SLC16A7: variants seen among roughly 807,000 people sequenced by gnomAD.
The protein encoded by SLC16A7 is monocarboxylate transporter 2.
SLC16A7 carries 33 observed loss-of-function variants against 34.9 expected under a neutral mutation model. The observed-to-expected ratio is 0.94, with a 90% CI of 0.72 to 1.26. SLC16A7 has a LOEUF of 1.26. Among genes scored for constraint, SLC16A7 ranks in the 50% most tolerant of loss-of-function variants. The pLI is 0.00. For missense variants in SLC16A7, 573 were observed against 578.1 expected, an observed-to-expected ratio of 0.99 and a Z score of 0.09; for synonymous variants, 201 against 206.6, an observed-to-expected ratio of 0.97 and a Z score of 0.23.
intron 1 of SLC16A7, among the ~76,000 whole-genome samples, chr12:59,599,338 T>C (rs1370384975): frequency 6.6e-6 from 1 of 152,212 alleles, no homozygotes; most frequent in Non-Finnish European, 1.5e-5. Context: ...TGAGGCTCTT[T>C]TGAGGATTCC....
Position 59,774,982 on chromosome 12 carries a change from T to C in SLC16A7, c.687T>C (p.Thr229=). The C allele has an allele frequency of 1.2e-6, 2 of 1,613,890 alleles. No individual in the cohort carries two copies. The highest frequency in any genetic ancestry group is 1.7e-6 in the Non-Finnish European group (2 of 1,179,892). The change falls in exon 5 of 6, where the codon ACT becomes ACC. Residue 229 remains threonine (T), a synonymous_variant. Transcript: ENST00000547379. ...SPKKIKTKKS[T]WEKVNKYLDF... ...AGAAAATCAAAACGAAGAAATCAAC[T>C]TGGGAAAAAGTTAATAAGTATTTAG...
intron 4 of SLC16A7, among the ~76,000 whole-genome samples, chr12:59,773,541 A>G (rs1882438150): frequency 6.6e-6 from 1 of 152,086 alleles, no homozygotes; most frequent in South Asian, 2.1e-4. Context: ...GATAGTTTAT[A>G]TAAGCCCAAT....
chr12:59,605,891 G>A (rs1878915140), intron 1 of SLC16A7, among the ~76,000 whole-genome samples: 1 of 152,120 alleles, frequency 6.6e-6, no homozygotes, highest in Non-Finnish European at 1.5e-5. Flanking sequence ...TAAGCTGTTT[G>A]ACCACAGTCA....
chr12:59,754,005 T>C (rs925165955), intron 3 of SLC16A7, among the ~76,000 whole-genome samples: 1 of 152,150 alleles, frequency 6.6e-6, no homozygotes, highest in African/African-American at 2.4e-5. Flanking sequence ...CCTGAATGAC[T>C]ACTGGGCACA....
At chr12:59,669,202 AT>A (rs1316150824) in intron 2 of SLC16A7, among the ~76,000 whole-genome samples, 14 of 152,214 alleles carry the variant, frequency 9.2e-5, no homozygotes, top group African/African-American at 3.4e-4. Flanking sequence ...ATTCAAGAAA[AT>A]TTAAAGTATG....
chr12:59,746,178 C>A (rs537713024), intron 3 of SLC16A7, among the ~76,000 whole-genome samples: 1 of 152,108 alleles, frequency 6.6e-6, no homozygotes, highest in East Asian at 1.9e-4. Context: ...TAACTGTCTT[C>A]GAAGTATATT....
intron 2 of SLC16A7, among the ~76,000 whole-genome samples, chr12:59,662,085 T>A (rs1245245497): frequency 6.6e-6 from 1 of 152,028 alleles, no homozygotes; most frequent in African/African-American, 2.4e-5. Context: ...AGACCTTTGT[T>A]TTTTTGTGTT....
chr12:59,613,469 A>G (rs1771387090), intron 1 of SLC16A7, among the ~76,000 whole-genome samples: 1 of 152,202 alleles, frequency 6.6e-6, no homozygotes. Context: ...GTTACAATAT[A>G]TTAGTTTTGG....
At chr12:59,658,374 T>C (rs1434932104) in intron 2 of SLC16A7, among the ~76,000 whole-genome samples, 2 of 152,038 alleles carry the variant, frequency 1.3e-5, no homozygotes, top group South Asian at 4.1e-4. Context: ...AATAGATGGA[T>C]CTTTGGGTAG....
At chr12:59,682,723 GA>G (rs577365962) in intron 2 of SLC16A7, among the ~76,000 whole-genome samples, 167 of 151,226 alleles carry the variant, frequency 1.1e-3, no homozygotes, top group South Asian at 2.7e-3. Flanking sequence ...ATTTTCTTGA[GA>G]AAAAAAAACT....
intron 2 of SLC16A7, among the ~76,000 whole-genome samples, chr12:59,687,466 A>G (rs1417824415): frequency 6.6e-6 from 1 of 152,112 alleles, no homozygotes; most frequent in Non-Finnish European, 1.5e-5. Flanking sequence ...ATATTTTGTT[A>G]CTGTTTAACA....
chr12:59,715,191 C>A (rs1028435245), intron 3 of SLC16A7, among the ~76,000 whole-genome samples: 4 of 152,054 alleles, frequency 2.6e-5, no homozygotes, highest in Non-Finnish European at 5.9e-5. Context: ...GAAAAAATAC[C>A]AAATTGCTGC....
At chr12:59,748,740 T>C (rs892779570) in intron 3 of SLC16A7, among the ~76,000 whole-genome samples, 1 of 152,232 alleles carries the variant, frequency 6.6e-6, no homozygotes, top group Non-Finnish European at 1.5e-5. Flanking sequence ...AACCTTACAC[T>C]TTTTGCAAAC....
intron 2 of SLC16A7, among the ~76,000 whole-genome samples, chr12:59,672,341 G>T (rs1469466626): frequency 6.7e-6 from 1 of 150,312 alleles, no homozygotes; most frequent in Non-Finnish European, 1.5e-5. Context: ...TTATTTTTGA[G>T]TAAGTTTTAT....
intron 2 of SLC16A7, among the ~76,000 whole-genome samples, chr12:59,668,366 C>T (rs924911936): frequency 1.1e-4 from 17 of 152,144 alleles, no homozygotes; most frequent in African/African-American, 7.2e-5. Context: ...CCCAAGGCCA[C>T]GGGAACCCCC....
intron 3 of SLC16A7, among the ~76,000 whole-genome samples, chr12:59,770,445 C>A (rs550577422): frequency 6.6e-6 from 1 of 152,090 alleles, no homozygotes; most frequent in African/African-American, 2.4e-5. Flanking sequence ...CTTACTAGAA[C>A]GTGTCAACAG....
rs962739961 is a variant in SLC16A7 at position 59,733,182 on chromosome 12, G to A, written c.217+28164G>A. ...GCCCAAAACCTCTGTGACCAGCGGC[G>A]CCTTTGTCCAAGTTTTGTTCAAGCC... On this transcript the variant is annotated intron_variant, in intron 3 of 5. Transcript: ENST00000547379. 8.7e-4 allele frequency among the ~76,000 whole-genome samples: 132 copies of A among 152,176 alleles called. 1 individual carries two copies. The highest frequency in any genetic ancestry group is 8.3e-3 in the Admixed American group (127 of 15,284).
At chr12:59,640,631 T>C (rs1449047203) in intron 1 of SLC16A7, among the ~76,000 whole-genome samples, 1 of 152,166 alleles carries the variant, frequency 6.6e-6, no homozygotes, top group East Asian at 1.9e-4. Flanking sequence ...CCCATGTGTT[T>C]GCAATTGTGT....
chr12:59,775,369 C>G lies in SLC16A7; in HGVS notation c.1074C>G (p.Leu358=). Residue 358 remains leucine, a synonymous_variant, in exon 5 of 6, where the codon CTC becomes CTG. Coordinates refer to ENST00000547379, the MANE Select transcript of SLC16A7 (RefSeq NM_001270623.2). ...GLGFGSVSSV[L]FETLMDLVGA... is the part of the protein sequence containing the mutation. The stretch of plus-strand genomic sequence containing the variant: ...GATTTGGGAGTGTTAGCAGTGTTCT[C>G]TTTGAAACTCTCATGGACCTCGTGG... 6.2e-7 allele frequency: 1 copy of G among 1,614,082 alleles called. No homozygotes were observed.
Sources: allele counts gnomAD v4.1 joint callset (sites outside exome capture counted in the v4.1 genomes callset), GRCh38; gene constraint gnomAD v4.1.1; transcripts MANE v1.5; gene names NCBI Gene and HGNC (gene_info 2026-07-23, HGNC 2026-07-21).